The following SCGB2B2 variants were observed in gnomAD, a reference collection of about 807,000 sequenced individuals.
SCGB2B2 encodes secretoglobin-like protein.
Under a neutral mutation model 7.6 loss-of-function variants are expected in SCGB2B2, and 11 were observed. The ratio of observed to expected loss-of-function variants is 1.45; its 90% CI spans 0.91 to 2.40. The LOEUF (loss-of-function observed/expected upper bound fraction) is 2.40. Ranked by LOEUF, SCGB2B2 falls within the 30% of genes most tolerant of loss-of-function variation. The pLI, the probability that SCGB2B2 is intolerant of heterozygous loss-of-function variation, is 0.00. For synonymous variants in SCGB2B2, 50 were observed against 48.6 expected (o/e 1.03, Z -0.12); for missense variants, 104 against 115.4 (o/e 0.90, Z 0.45).
intron 1 of SCGB2B2, among the ~76,000 whole-genome samples, chr19:34,641,041 T>A (rs891000497): frequency 6.0e-5 from 9 of 150,688 alleles, no homozygotes; most frequent in African/African-American, 2.2e-4. Context: ...ATTGAATATA[T>A]TCGGGGTGTG....
intron 1 of SCGB2B2, among the ~76,000 whole-genome samples, chr19:34,627,475 G>C (rs896939319): frequency 6.6e-6 from 1 of 151,916 alleles, no homozygotes; most frequent in Non-Finnish European, 1.5e-5. Context: ...TCCTAGTCTC[G>C]GATAAAACAG....
At chr19:34,648,026 T>C (rs1325635171) in intron 1 of SCGB2B2, among the ~76,000 whole-genome samples, 1 of 152,112 alleles carries the variant, frequency 6.6e-6, no homozygotes, top group Non-Finnish European at 1.5e-5. Flanking sequence ...GGGGGTCACG[T>C]TGGGCTGGAG....
Position 34,597,748 on chromosome 19 carries a change from C to T in SCGB2B2, c.-2031-1154G>A, listed in dbSNP as rs141913332. ...GGAAGACAACAATTATTTGGTTTTG[C>T]CCTGTGAGCAGCAGCAGAGAGCGGG... On this transcript the variant is annotated intron_variant, in intron 1 of 3. Transcript: ENST00000601241. 5.9e-4 allele frequency among the ~76,000 whole-genome samples: 90 copies of T among 152,322 alleles called. No individual in the cohort carries two copies. In the East Asian group the frequency reaches 0.013, roughly 23 times the overall value.
chr19:34,659,296 A>C (rs879051269), intron 1 of SCGB2B2, among the ~76,000 whole-genome samples: 4 of 152,114 alleles, frequency 2.6e-5, no homozygotes. Context: ...CCAGGGCAAT[A>C]AGGCAAGAGA....
chr19:34,667,879 GGTGA>G (rs1388894572), intron 1 of SCGB2B2, among the ~76,000 whole-genome samples: 1 of 152,130 alleles, frequency 6.6e-6, no homozygotes, highest in Non-Finnish European at 1.5e-5. Flanking sequence ...CTCACAGCTC[GGTGA>G]GTGGCCAGGC....
chr19:34,644,525 C>T (rs770517403), intron 1 of SCGB2B2, among the ~76,000 whole-genome samples: 4 of 151,992 alleles, frequency 2.6e-5, no homozygotes, highest in South Asian at 2.1e-4. Flanking sequence ...AATTCTGTAC[C>T]CATCAAGAAA....
intron 1 of SCGB2B2, among the ~76,000 whole-genome samples, chr19:34,606,361 A>T (rs2065777281): frequency 6.6e-6 from 1 of 152,148 alleles, no homozygotes; most frequent in Non-Finnish European, 1.5e-5. Context: ...ATCTTGCATG[A>T]TTTCATTTAT....
In SCGB2B2 at chr19:34,593,258, TG is replaced by T; in HGVS notation, c.*296del. 9.4e-6 allele frequency: 3 copies of T among 318,192 alleles called. No homozygotes were observed. The highest frequency in any genetic ancestry group is 7.4e-5 in the South Asian group (1 of 13,556). The allele number at this position is 318,192 out of a possible 1,614,324, so 19.7% of individuals were successfully genotyped here. On this transcript the variant is annotated 3_prime_UTR_variant, in exon 4 of 4. Transcript: ENST00000601241. Reference sequence around the variant, plus strand: ...TCGCTTGAACCCAGAAGGTGGAGGCTGCAGTGAGCCAAGATCGCGCCAATGC... The same window carrying T: ...TCGCTTGAACCCAGAAGGTGGAGGCTCAGTGAGCCAAGATCGCGCCAATGC...
At chr19:34,655,054 A>G (rs1295435960) in intron 1 of SCGB2B2, among the ~76,000 whole-genome samples, 1 of 151,312 alleles carries the variant, frequency 6.6e-6, no homozygotes, top group African/African-American at 2.5e-5. Context: ...GAAATGGCAC[A>G]CTCATGCAGG....
chr19:34,611,651 C>G (rs2065930088), intron 1 of SCGB2B2, among the ~76,000 whole-genome samples: 1 of 80,694 alleles, frequency 1.2e-5, no homozygotes, highest in African/African-American at 5.1e-5. Context: ...TTAAAATTTA[C>G]TATTTTTTTT....
chr19:34,614,026 C>T (rs576150047), intron 1 of SCGB2B2, among the ~76,000 whole-genome samples: 183 of 152,234 alleles, frequency 1.2e-3, no homozygotes, highest in African/African-American at 4.0e-3. Context: ...TGTGACTTGA[C>T]GCTTTTGCTG....
intron 1 of SCGB2B2, among the ~76,000 whole-genome samples, chr19:34,627,652 C>T (rs1568435163): frequency 1.3e-5 from 2 of 152,110 alleles, no homozygotes; most frequent in African/African-American, 2.4e-5. Context: ...ACTTGGACTC[C>T]CATACAATAA....
At chr19:34,632,784 C>G (rs1464830255) in intron 1 of SCGB2B2, 4 of 152,234 alleles carry the variant, frequency 2.6e-5, no homozygotes, top group Admixed American at 2.6e-4. Context: ...AGTTTGCTGG[C>G]TCTGGAGAGA....
intron 1 of SCGB2B2, among the ~76,000 whole-genome samples, chr19:34,616,374 C>T (rs8108526): frequency 0.11 from 10,621 of 94,052 alleles, 565 homozygotes; most frequent in Middle Eastern, 0.2. Flanking sequence ...TTTTAATGAT[C>T]GCCATTCTAA....
downstream of SCGB2B2, among the ~76,000 whole-genome samples, chr19:34,589,499 G>C (rs62124627): frequency 2.0e-5 from 3 of 152,158 alleles, no homozygotes; most frequent in African/African-American, 7.2e-5. Flanking sequence ...TATCCTATTA[G>C]TAGGTCAAGG....
intron 1 of SCGB2B2, chr19:34,635,285 G>A (rs1301445514): frequency 1.0e-5 from 3 of 292,068 alleles, no homozygotes; most frequent in Non-Finnish European, 2.1e-5. Flanking sequence ...CTCCAGTGTG[G>A]ACTCTCTGGT....
At chr19:34,597,802 C>T (rs2065502902) in intron 1 of SCGB2B2, among the ~76,000 whole-genome samples, 1 of 152,224 alleles carries the variant, frequency 6.6e-6, no homozygotes, top group Non-Finnish European at 1.5e-5. Flanking sequence ...GCCAGACAGG[C>T]ATCCCATGCT....
At chr19:34,650,324 G>C (rs142615862) in intron 1 of SCGB2B2, among the ~76,000 whole-genome samples, 2 of 151,266 alleles carry the variant, frequency 1.3e-5, no homozygotes, top group African/African-American at 2.5e-5. Flanking sequence ...GGTGCCCCTT[G>C]GCCAAACCTC....
chr19:34,593,897 G>A (rs2065365432), intron 3 of SCGB2B2, among the ~76,000 whole-genome samples: 1 of 152,062 alleles, frequency 6.6e-6, no homozygotes, highest in Non-Finnish European at 1.5e-5. Flanking sequence ...CAGTGCTTTG[G>A]TGCAGTGATT....
Sources: allele counts gnomAD v4.1 joint callset (sites outside exome capture counted in the v4.1 genomes callset), GRCh38; gene constraint gnomAD v4.1.1; transcripts MANE v1.5; gene names NCBI Gene and HGNC (gene_info 2026-07-23, HGNC 2026-07-21).